The following DAB1 variants were observed in gnomAD, a reference collection of about 807,000 sequenced individuals.
DAB1 encodes disabled homolog 1.
DAB1 carries 15 observed loss-of-function variants against 64.6 expected under a neutral mutation model. The observed-to-expected ratio is 0.23, with a 90% CI of 0.16 to 0.36. DAB1 has a LOEUF of 0.36. DAB1 is among the 10% of genes least tolerant of loss of function. DAB1 has a pLI of 1.00. For missense variants in DAB1, 596 were observed against 706.7 expected, an observed-to-expected ratio of 0.84 and a Z score of 1.78; for synonymous variants, 235 against 251.9, an observed-to-expected ratio of 0.93 and a Z score of 0.64.
chr1:58,459,194 T>C (rs1052275671), intron 3 of DAB1, among the ~76,000 whole-genome samples: 1 of 152,218 alleles, frequency 6.6e-6, no homozygotes, highest in African/African-American at 2.4e-5. Flanking sequence ...ATTTTGAGCA[T>C]TGCGTTATCT....
At chr1:57,147,297 G>T (rs546774220) in intron 2 of DAB1, among the ~76,000 whole-genome samples, 2 of 151,874 alleles carry the variant, frequency 1.3e-5, no homozygotes, top group African/African-American at 2.4e-5. Flanking sequence ...GATTATAGGC[G>T]TGAGTATCAC....
At chr1:57,155,498 T>G (rs942398924) in intron 2 of DAB1, among the ~76,000 whole-genome samples, 1 of 152,048 alleles carries the variant, frequency 6.6e-6, no homozygotes, top group Non-Finnish European at 1.5e-5. Context: ...TTTTTTTTTC[T>G]GCTTAGGATG....
At chr1:58,195,781 T>C (rs1270920999) in intron 4 of DAB1, among the ~76,000 whole-genome samples, 4 of 152,260 alleles carry the variant, frequency 2.6e-5, no homozygotes, top group Non-Finnish European at 4.4e-5. Flanking sequence ...ATTTATTGAA[T>C]ATGTGTTATG....
chr1:57,134,402 A>G (rs1308173516), intron 4 of DAB1, among the ~76,000 whole-genome samples: 1 of 151,972 alleles, frequency 6.6e-6, no homozygotes, highest in African/African-American at 2.4e-5. Context: ...CCTGGCCAAC[A>G]TGGTGAAACC....
At chr1:58,331,608 T>TAC (rs549273230) in intron 4 of DAB1, among the ~76,000 whole-genome samples, 44 of 152,300 alleles carry the variant, frequency 2.9e-4, no homozygotes, top group African/African-American at 1.0e-3. Flanking sequence ...CAGCAACCAC[T>TAC]ACCCTGATCA....
intron 5 of DAB1, among the ~76,000 whole-genome samples, chr1:58,125,036 C>T (rs1652979002): frequency 6.6e-6 from 1 of 151,926 alleles, no homozygotes. Context: ...GTCTGATTTT[C>T]TAACTTTTCT....
At chr1:57,471,484 C>A (rs1009221587) in intron 7 of DAB1, among the ~76,000 whole-genome samples, 3 of 152,126 alleles carry the variant, frequency 2.0e-5, no homozygotes, top group African/African-American at 7.2e-5. Context: ...GGCTGTGTCC[C>A]CACCCAAATC....
chr1:57,241,135 A>C (rs1040045768), intron 2 of DAB1, among the ~76,000 whole-genome samples: 3 of 152,196 alleles, frequency 2.0e-5, no homozygotes, highest in African/African-American at 7.2e-5. Flanking sequence ...GTACTTAGTA[A>C]GGTATTTGGC....
intron 7 of DAB1, among the ~76,000 whole-genome samples, chr1:57,565,947 C>T (rs1001658749): frequency 2.0e-5 from 3 of 152,210 alleles, no homozygotes. Flanking sequence ...CTACAGAACT[C>T]TCCACCCCAA....
intron 6 of DAB1, among the ~76,000 whole-genome samples, chr1:57,755,754 CA>C: frequency 6.6e-6 from 1 of 152,098 alleles, no homozygotes; most frequent in East Asian, 1.9e-4. Context: ...ATTTAAAGCC[CA>C]AAGACTCTCT....
intron 5 of DAB1, among the ~76,000 whole-genome samples, chr1:57,926,953 T>A (rs1644888369): frequency 1.3e-5 from 2 of 152,126 alleles, no homozygotes; most frequent in South Asian, 4.1e-4. Context: ...CTATAAGACA[T>A]CTCCCTTCCT....
intron 4 of DAB1, among the ~76,000 whole-genome samples, chr1:57,106,264 C>CCG (rs1553142630): frequency 5.3e-5 from 8 of 151,468 alleles, no homozygotes; most frequent in South Asian, 2.1e-4. Flanking sequence ...AACACCCCCC[C>CCG]CCATCAGTAT....
intron 3 of DAB1, among the ~76,000 whole-genome samples, chr1:58,358,858 A>G (rs1644135556): frequency 6.9e-6 from 1 of 144,010 alleles, no homozygotes; most frequent in African/African-American, 2.6e-5. Flanking sequence ...TCTCTCTCCC[A>G]GCTCTTTCTG....
At chr1:57,256,627 T>G (rs1669784057) in intron 2 of DAB1, among the ~76,000 whole-genome samples, 1 of 152,230 alleles carries the variant, frequency 6.6e-6, no homozygotes, top group Non-Finnish European at 1.5e-5. Context: ...CACAGATCTC[T>G]TTGGATTCTG....
At chr1:57,071,114 G>T in intron 6 of DAB1, 53 bp from the exon 7 acceptor site, 2 of 1,494,056 alleles carry the variant, frequency 1.3e-6, no homozygotes, top group South Asian at 1.1e-5. Context: ...TAAAGGAAGA[G>T]ATGTGAGACT....
intron 6 of DAB1, among the ~76,000 whole-genome samples, chr1:57,731,249 C>T (rs1277903673): frequency 2.0e-5 from 3 of 152,138 alleles, no homozygotes; most frequent in African/African-American, 7.2e-5. Flanking sequence ...ATTCCACTTA[C>T]ATGAGGAAGT....
intron 2 of DAB1, among the ~76,000 whole-genome samples, chr1:57,190,409 A>G (rs545575377): frequency 6.6e-6 from 1 of 152,302 alleles, no homozygotes; most frequent in African/African-American, 2.4e-5. Flanking sequence ...TATTCTGTGT[A>G]TGAGAAAACT....
chr1:57,156,867 C>T (rs186788909), intron 2 of DAB1, among the ~76,000 whole-genome samples: 2 of 152,188 alleles, frequency 1.3e-5, no homozygotes, highest in Non-Finnish European at 2.9e-5. Context: ...CCACAGACCT[C>T]GAAGATTCTG....
chr1:58,166,161 A>G (rs1005685683), intron 4 of DAB1, among the ~76,000 whole-genome samples: 3 of 152,148 alleles, frequency 2.0e-5, no homozygotes, highest in African/African-American at 4.8e-5. Context: ...TTAAAGCTCT[A>G]TTGAGATATA....
Sources: gnomAD v4.1 joint callset for allele counts (sites outside exome capture counted in the v4.1 genomes callset) on GRCh38, gnomAD v4.1.1 for gene constraint, MANE v1.5 for transcripts, NCBI Gene and HGNC (gene_info 2026-07-23, HGNC 2026-07-21) for gene names.